The following HACE1 variants were observed in gnomAD, a reference collection of about 807,000 sequenced individuals.
The protein encoded by HACE1 is HECT domain and ankyrin repeat containing E3 ubiquitin protein ligase 1, also known as E3 ubiquitin-protein ligase HACE1.
Under a neutral mutation model 118.4 loss-of-function variants are expected in HACE1, and 73 were observed. The observed-to-expected ratio is 0.62, with a 90% CI of 0.51 to 0.75. HACE1 has a LOEUF of 0.75. HACE1 is among the 30% of genes least tolerant of loss of function. HACE1 has a pLI of 0.00. For missense variants in HACE1, 749 were observed against 1,102.2 expected (o/e 0.68, Z 4.54); for synonymous variants, 368 against 374.8 (o/e 0.98, Z 0.21).
chr6:104,742,849 A>G (rs1379246151), intron 22 of HACE1, among the ~76,000 whole-genome samples: 3 of 152,128 alleles, frequency 2.0e-5, no homozygotes. Context: ...GCTGCTATAA[A>G]GACACATGCA....
At chr6:104,735,356 C>A (rs1241344111) in intron 22 of HACE1, among the ~76,000 whole-genome samples, 1 of 152,018 alleles carries the variant, frequency 6.6e-6, no homozygotes. Context: ...GGGCCGGGTG[C>A]GGTGGCTCAC....
chr6:104,777,488 CAG>C (rs1469190235), intron 14 of HACE1, among the ~76,000 whole-genome samples, 171 bp from the exon 15 acceptor site: 1 of 152,130 alleles, frequency 6.6e-6, no homozygotes, highest in African/African-American at 2.4e-5. Flanking sequence ...TACAAAAAGA[CAG>C]AACTTAGCTG....
chr6:104,817,251 G>A (rs538836998), intron 6 of HACE1, among the ~76,000 whole-genome samples: 4 of 152,058 alleles, frequency 2.6e-5, no homozygotes, highest in Non-Finnish European at 5.9e-5. Context: ...TTGTGTCCCC[G>A]CCAAATCTCA....
At chr6:104,793,428 T>A (rs1783277607) in intron 10 of HACE1, among the ~76,000 whole-genome samples, 2 of 152,168 alleles carry the variant, frequency 1.3e-5, no homozygotes, top group South Asian at 4.1e-4. Context: ...TTACTTTCAA[T>A]CATAAATATA....
chr6:104,822,758 G>A (rs911733748), intron 6 of HACE1, among the ~76,000 whole-genome samples: 27 of 151,998 alleles, frequency 1.8e-4, no homozygotes, highest in Admixed American at 1.1e-3. Context: ...TCAGGAGGCC[G>A]AGGCAGGAGA....
intron 19 of HACE1, among the ~76,000 whole-genome samples, chr6:104,751,746 T>C (rs1255292020): frequency 6.6e-6 from 1 of 152,116 alleles, no homozygotes. Flanking sequence ...TATAAACTAT[T>C]AGGTTATCAT....
chr6:104,827,499 A>G (rs1039960180), intron 6 of HACE1, among the ~76,000 whole-genome samples: 4 of 152,130 alleles, frequency 2.6e-5, no homozygotes, highest in African/African-American at 4.8e-5. Context: ...GGCAAAAATC[A>G]TTATCATCTG....
chr6:104,739,386 G>T (rs1302667475), intron 22 of HACE1, among the ~76,000 whole-genome samples: 2 of 152,096 alleles, frequency 1.3e-5, no homozygotes, highest in Non-Finnish European at 2.9e-5. Flanking sequence ...TGGATAAAGA[G>T]GCAAGACCCA....
chr6:104,848,322 G>A (rs1775863505), intron 4 of HACE1, among the ~76,000 whole-genome samples: 1 of 151,426 alleles, frequency 6.6e-6, no homozygotes, highest in African/African-American at 2.4e-5. Context: ...TGGACGTGGT[G>A]GCACGTGCCT....
At chr6:104,765,956 T>C (rs1779958238) in intron 19 of HACE1, among the ~76,000 whole-genome samples, 1 of 152,176 alleles carries the variant, frequency 6.6e-6, no homozygotes, top group African/African-American at 2.4e-5. Flanking sequence ...TGCTGTCCAG[T>C]TTCTCCAACA....
At chr6:104,750,288 A>C (rs984303156) in intron 20 of HACE1, 53 bp downstream of exon 20, 17 of 1,454,042 alleles carry the variant, frequency 1.2e-5, no homozygotes, top group African/African-American at 2.8e-5. Context: ...AATTACATCA[A>C]CTAGAGTTTT....
In HACE1 at chr6:104,777,007, AC is replaced by A; in HGVS notation, c.1776+5del. The stretch of plus-strand genomic sequence containing the variant: ...TGATTTCTACATCATCTTCTTTTAT[AC>A]CCACCATGCCTTCTTCTCCATGGAA... On this transcript the variant is annotated splice_donor_5th_base_variant and intron_variant, in intron 16 of 23. Transcript: ENST00000262903. 6.3e-7 allele frequency: 1 copy of A among 1,575,150 alleles called. No homozygotes were observed. The highest frequency in any genetic ancestry group is 8.7e-7 in the Non-Finnish European group (1 of 1,145,236).
chr6:104,812,821 C>G (rs1257691724), intron 6 of HACE1, among the ~76,000 whole-genome samples: 3 of 152,116 alleles, frequency 2.0e-5, no homozygotes. Context: ...TTATGTAGAG[C>G]TAAAAATAGG....
intron 20 of HACE1, 30 bp from the exon 21 acceptor site, chr6:104,744,640 A>AT (rs766528409): frequency 2.7e-5 from 35 of 1,281,520 alleles, no homozygotes; most frequent in Non-Finnish European, 3.6e-5. Context: ...TATTTCAATA[A>AT]TTTTCTTTAG....
chr6:104,820,125 G>A (rs1392293237), intron 6 of HACE1, among the ~76,000 whole-genome samples: 1 of 151,324 alleles, frequency 6.6e-6, no homozygotes, highest in Non-Finnish European at 1.5e-5. Flanking sequence ...AACCCGGGAG[G>A]TGGAGTTTGC....
chr6:104,858,072 T>C (rs993543880), intron 1 of HACE1, among the ~76,000 whole-genome samples: 10 of 152,290 alleles, frequency 6.6e-5, no homozygotes, highest in Middle Eastern at 3.4e-3. Flanking sequence ...TGTTTATAAC[T>C]GGATGGTGAA....
At chr6:104,817,943 C>T (rs1251527842) in intron 6 of HACE1, among the ~76,000 whole-genome samples, 2 of 152,174 alleles carry the variant, frequency 1.3e-5, no homozygotes, top group East Asian at 1.9e-4. Flanking sequence ...TTTGGAAATA[C>T]ATATTAAAGG....
intron 20 of HACE1, among the ~76,000 whole-genome samples, chr6:104,745,615 G>A (rs1316487912): frequency 6.6e-6 from 1 of 151,580 alleles, no homozygotes; most frequent in Non-Finnish European, 1.5e-5. Context: ...TAATTTTTTT[G>A]TAGTTTTAGT....
chr6:104,798,226 T>C (rs1769904066), intron 7 of HACE1, among the ~76,000 whole-genome samples: 1 of 152,110 alleles, frequency 6.6e-6, no homozygotes, highest in African/African-American at 2.4e-5. Flanking sequence ...TACCTGGGCT[T>C]CTAGACCTAT....
Sources: gnomAD v4.1 joint callset for allele counts (sites outside exome capture counted in the v4.1 genomes callset) on GRCh38, gnomAD v4.1.1 for gene constraint, MANE v1.5 for transcripts, NCBI Gene and HGNC (gene_info 2026-07-23, HGNC 2026-07-21) for gene names.